PTPRD: variants seen among roughly 807,000 people sequenced by gnomAD.
PTPRD encodes the protein protein tyrosine phosphatase receptor type D.
Under a neutral mutation model 214.5 loss-of-function variants are expected in PTPRD, and 34 were observed. The observed-to-expected ratio is 0.16, with a 90% CI of 0.12 to 0.21. The LOEUF is 0.21. Among genes scored for constraint, PTPRD ranks in the 10% least tolerant of loss-of-function variants. PTPRD has a pLI of 1.00. For missense variants in PTPRD, 2,545 were observed against 2,398.7 expected, an observed-to-expected ratio of 1.06 and a Z score of -1.27; for synonymous variants, 1,128 against 845.7, an observed-to-expected ratio of 1.33 and a Z score of -5.79.
intron 14 of PTPRD, among the ~76,000 whole-genome samples, chr9:8,620,610 C>CG (rs2095791696): frequency 6.6e-6 from 1 of 151,698 alleles, no homozygotes; most frequent in Non-Finnish European, 1.5e-5. Context: ...CAGTTAATGG[C>CG]GGGGGGCAGG....
chr9:8,623,771 G>C (rs2095900575), intron 14 of PTPRD, among the ~76,000 whole-genome samples: 1 of 151,760 alleles, frequency 6.6e-6, no homozygotes, highest in African/African-American at 2.4e-5. Flanking sequence ...GTGCACATTT[G>C]CCGCAAAACA....
At chr9:9,812,485 G>A (rs1431010226) in intron 5 of PTPRD, among the ~76,000 whole-genome samples, 3 of 152,010 alleles carry the variant, frequency 2.0e-5, no homozygotes, top group Non-Finnish European at 4.4e-5. Context: ...GACAGAAAAA[G>A]ATATTCCATG....
rs375291428 is a variant in PTPRD, at chr9:8,487,024, G to A, written c.2468-675C>T. Among the ~76,000 whole-genome samples the A allele has an allele frequency of 7.0e-4, 107 of 151,946 alleles. No homozygotes were observed. The South Asian group carries it at 0.011, about 15-fold the overall frequency. ...AAAAACCAAACTACAAAATAATATC[G>A]TATTGACTTACTATGAATTTAATTT... On this transcript the variant is annotated intron_variant, in intron 27 of 45. Transcript: ENST00000381196.
chr9:8,947,033 T>G (rs1038103633), intron 11 of PTPRD, among the ~76,000 whole-genome samples: 2 of 149,760 alleles, frequency 1.3e-5, no homozygotes, highest in African/African-American at 4.9e-5. Flanking sequence ...TCTTTTCTTT[T>G]TTTTTTTTTG....
chr9:8,335,751 C>T (rs1846025382), intron 43 of PTPRD, among the ~76,000 whole-genome samples: 1 of 152,176 alleles, frequency 6.6e-6, no homozygotes, highest in African/African-American at 2.4e-5. Context: ...ACCCCATTGT[C>T]TCAGCCCCAA....
chr9:9,958,230 A>G (rs1242730246), intron 4 of PTPRD, among the ~76,000 whole-genome samples: 1 of 152,162 alleles, frequency 6.6e-6, no homozygotes, highest in Non-Finnish European at 1.5e-5. Context: ...ATTGGACTTT[A>G]TTAAAAACTT....
chr9:9,512,509 G>C (rs1244581351), intron 8 of PTPRD, among the ~76,000 whole-genome samples: 2 of 151,808 alleles, frequency 1.3e-5, no homozygotes, highest in Non-Finnish European at 2.9e-5. Context: ...CAGAGAATAT[G>C]TAAGGCATTT....
At chr9:8,618,386 C>T (rs1429014896) in intron 14 of PTPRD, among the ~76,000 whole-genome samples, 1 of 151,918 alleles carries the variant, frequency 6.6e-6, no homozygotes, top group Non-Finnish European at 1.5e-5. Context: ...TGGTAATATT[C>T]AAAAAGAACA....
At chr9:10,199,677 C>T (rs1443521467) in intron 3 of PTPRD, among the ~76,000 whole-genome samples, 8 of 151,996 alleles carry the variant, frequency 5.3e-5, no homozygotes, top group Admixed American at 5.3e-4. Context: ...ATAGATACCA[C>T]ATAGCTTCCC....
Position 10,384,782 on chromosome 9 carries a change from CTCCTT to C in PTPRD, c.-599-43770_-599-43766del, listed in dbSNP as rs750383626. Among the ~76,000 whole-genome samples, 1,095 of 150,668 alleles carry C rather than the reference CTCCTT, an allele frequency of 7.3e-3. 6 individuals are homozygous for C. Among genetic ancestry groups the C allele is most frequent in the Non-Finnish European group, 0.011 (744 of 67,644 alleles). On this transcript the variant is annotated intron_variant, in intron 2 of 45. Coordinates refer to ENST00000381196, the MANE Select transcript of PTPRD (RefSeq NM_002839.4). ...TCTAAATTTGTCAGAAAAAAAAAAC[CTCCTT>C]CTCCATCTTAAAGAGGTACATTTGA...
chr9:9,447,697 T>G (rs1187561495), intron 8 of PTPRD, among the ~76,000 whole-genome samples: 1 of 152,136 alleles, frequency 6.6e-6, no homozygotes, highest in Non-Finnish European at 1.5e-5. Context: ...TCAAGGGACT[T>G]CTACATGTTC....
At chr9:10,360,828 C>T (rs1051972564) in intron 2 of PTPRD, among the ~76,000 whole-genome samples, 5 of 152,044 alleles carry the variant, frequency 3.3e-5, no homozygotes, top group South Asian at 2.1e-4. Context: ...TAAGGCCAGG[C>T]GCGGTGGCTC....
chr9:10,234,811 T>C (rs2099623610), intron 3 of PTPRD, among the ~76,000 whole-genome samples: 1 of 151,906 alleles, frequency 6.6e-6, no homozygotes, highest in African/African-American at 2.4e-5. Flanking sequence ...GAAATATATT[T>C]TACTTACCAC....
At chr9:8,447,694 A>G (rs1314735017) in intron 34 of PTPRD, among the ~76,000 whole-genome samples, 3 of 152,148 alleles carry the variant, frequency 2.0e-5, no homozygotes, top group Admixed American at 2.0e-4. Flanking sequence ...GGTGAGGTGT[A>G]GCAGCACTCT....
rs74834717 is a variant in PTPRD, at chr9:8,685,476, C to G, written c.64+48304G>C. Among the ~76,000 whole-genome samples, 409 of 152,152 alleles carry G rather than the reference C, an allele frequency of 2.7e-3. 1 individual carries two copies. The highest frequency in any genetic ancestry group is 5.0e-3 in the Non-Finnish European group (341 of 68,006). Reference sequence around the variant, plus strand: ...TTTCAGAAGAACTCCTGTGGGCAAACGCTGCATGTAAAACAGACTGGGTGT... The same window carrying G: ...TTTCAGAAGAACTCCTGTGGGCAAAGGCTGCATGTAAAACAGACTGGGTGT... On this transcript the variant is annotated intron_variant, in intron 12 of 45. Coordinates refer to ENST00000381196, the MANE Select transcript of PTPRD (RefSeq NM_002839.4).
intron 5 of PTPRD, among the ~76,000 whole-genome samples, chr9:9,856,513 G>C (rs555480445): frequency 2.4e-4 from 36 of 152,018 alleles, no homozygotes; most frequent in Middle Eastern, 3.4e-3. Flanking sequence ...CATTCCTCAA[G>C]ATTAACAAGA....
intron 11 of PTPRD, among the ~76,000 whole-genome samples, chr9:8,987,494 G>C (rs1212341763): frequency 6.6e-6 from 1 of 152,122 alleles, no homozygotes; most frequent in Non-Finnish European, 1.5e-5. Flanking sequence ...ATCATTTGGA[G>C]AGAAGAGAAA....
At chr9:8,678,239 A>C (rs1171905387) in intron 12 of PTPRD, among the ~76,000 whole-genome samples, 1 of 152,152 alleles carries the variant, frequency 6.6e-6, no homozygotes, top group Non-Finnish European at 1.5e-5. Flanking sequence ...GAGGCTCCAC[A>C]CCACCCTCAC....
At chr9:9,597,841 G>C (rs2093471172) in intron 7 of PTPRD, among the ~76,000 whole-genome samples, 1 of 151,968 alleles carries the variant, frequency 6.6e-6, no homozygotes, top group Admixed American at 6.6e-5. Context: ...AAAATAATAA[G>C]ATGTTAAATA....
Sources: allele counts gnomAD v4.1 joint callset (sites outside exome capture counted in the v4.1 genomes callset), GRCh38; gene constraint gnomAD v4.1.1; transcripts MANE v1.5; gene names NCBI Gene and HGNC (gene_info 2026-07-23, HGNC 2026-07-21).